The following PHF20L1 variants were observed in gnomAD, a reference collection of about 807,000 sequenced individuals.
The protein encoded by PHF20L1 is PHD finger protein 20 like 1.
In PHF20L1, 44 loss-of-function variants were observed where a neutral mutation model predicts 125.5. The observed-to-expected ratio is 0.35, with a 90% CI of 0.28 to 0.45. PHF20L1 has a LOEUF of 0.45. PHF20L1 is among the 20% of genes least tolerant of loss of function. The probability of loss-of-function intolerance (pLI) is 1.00; values close to 1 mark genes in which losing one functional copy is unlikely to be tolerated. For missense variants in PHF20L1, 1,012 were observed against 1,217.2 expected, an observed-to-expected ratio of 0.83 and a Z score of 2.51; for synonymous variants, 380 against 403.1, an observed-to-expected ratio of 0.94 and a Z score of 0.69.
At chr8:132,820,861 G>C (rs1174987769) in intron 12 of PHF20L1, among the ~76,000 whole-genome samples, 1 of 151,964 alleles carries the variant, frequency 6.6e-6, no homozygotes, top group Admixed American at 6.6e-5. Flanking sequence ...GACAAAATTG[G>C]CATTAGTAGG....
intron 6 of PHF20L1, among the ~76,000 whole-genome samples, chr8:132,802,821 C>T (rs1177820352): frequency 1.3e-5 from 2 of 151,696 alleles, no homozygotes; most frequent in Non-Finnish European, 1.5e-5. Context: ...TTAATGTAAA[C>T]CGTGAATTAA....
chr8:132,827,206 A>G (rs1259964969), intron 14 of PHF20L1, among the ~76,000 whole-genome samples: 1 of 151,742 alleles, frequency 6.6e-6, no homozygotes, highest in Non-Finnish European at 1.5e-5. Flanking sequence ...CAAGCTAGAA[A>G]TGATGTAGAG....
At chr8:132,830,633 A>G (rs1219908222) in intron 14 of PHF20L1, among the ~76,000 whole-genome samples, 2 of 152,106 alleles carry the variant, frequency 1.3e-5, no homozygotes, top group Non-Finnish European at 2.9e-5. Context: ...AGACATCATC[A>G]GGTGGGAACT....
At chr8:132,795,789 GTTTAA>G (rs1233641668) in intron 4 of PHF20L1, among the ~76,000 whole-genome samples, 1 of 151,938 alleles carries the variant, frequency 6.6e-6, no homozygotes, top group Admixed American at 6.6e-5. Context: ...GAATGATAAA[GTTTAA>G]TTTATAAATT....
chr8:132,790,872 A>G lies in PHF20L1; in HGVS notation c.84-3538A>G, dbSNP rs566522419. Among the ~76,000 whole-genome samples the G allele has an allele frequency of 5.0e-4, 76 of 152,304 alleles. 1 individual carries two copies. Among genetic ancestry groups the G allele is most frequent in the African/African-American group, 1.6e-3 (68 of 41,562 alleles). ...CCTTCAGTAAATTCCCAGATTTTCTATGGACTATTAAAGCATCTTATATAC... is the reference window on the plus strand; with the variant it reads ...CCTTCAGTAAATTCCCAGATTTTCTGTGGACTATTAAAGCATCTTATATAC... On this transcript the variant is annotated intron_variant, in intron 2 of 20. Transcript: ENST00000395386.
Position 132,799,210 on chromosome 8 carries a change from C to T in PHF20L1, c.507+38C>T, listed in dbSNP as rs1328467237. On this transcript the variant is annotated intron_variant, in intron 6 of 20. Coordinates refer to ENST00000395386, the MANE Select transcript of PHF20L1 (RefSeq NM_016018.5). ...TTTTTAAAAATTTTGTTTTGTTTTTCCTGGTATATAATGTCATTTAGAAAG... is the reference window on the plus strand; with the variant it reads ...TTTTTAAAAATTTTGTTTTGTTTTTTCTGGTATATAATGTCATTTAGAAAG... 3.9e-6 allele frequency: 5 copies of T among 1,288,764 alleles called. 1 individual carries two copies. Among genetic ancestry groups the T allele is most frequent in the South Asian group, 2.6e-5 (2 of 76,078 alleles). 79.8% of individuals were successfully genotyped at this position (1,288,764 alleles called of 1,614,324 possible). A position where few individuals can be genotyped will look rare whatever the true frequency, so the allele number is the denominator to read the frequency against.
intron 18 of PHF20L1, among the ~76,000 whole-genome samples, chr8:132,839,907 GTCC>G (rs1837757798): frequency 6.6e-6 from 1 of 151,984 alleles, no homozygotes; most frequent in Admixed American, 6.6e-5. Context: ...TATACGTTGT[GTCC>G]TCCTTCAGGA....
intron 2 of PHF20L1, among the ~76,000 whole-genome samples, chr8:132,783,090 A>G (rs996176316): frequency 1.3e-5 from 2 of 152,220 alleles, no homozygotes; most frequent in African/African-American, 2.4e-5. Flanking sequence ...CAAAAACACA[A>G]GAGATTAAAT....
chr8:132,795,270 T>C (rs1832253692), intron 4 of PHF20L1, among the ~76,000 whole-genome samples: 1 of 152,128 alleles, frequency 6.6e-6, no homozygotes, highest in Non-Finnish European at 1.5e-5. Context: ...ATTTCCCTTA[T>C]TGTGTCTCTC....
At chr8:132,817,190 A>G (rs1835080825) in intron 11 of PHF20L1, 114 bp downstream of exon 11, 6 of 901,378 alleles carry the variant, frequency 6.7e-6, no homozygotes, top group East Asian at 2.6e-5. Flanking sequence ...TTCTGGAGTT[A>G]TAAGCACTTC....
At chr8:132,807,420 G>T in intron 8 of PHF20L1, 1 of 162,032 alleles carries the variant, frequency 6.2e-6, no homozygotes, top group Non-Finnish European at 1.3e-5. Flanking sequence ...AAAAACATCA[G>T]CAGTTGGTGC....
chr8:132,783,821 C>T (rs776978961), intron 2 of PHF20L1, among the ~76,000 whole-genome samples: 88 of 152,088 alleles, frequency 5.8e-4, no homozygotes, highest in Non-Finnish European at 1.1e-3. Context: ...AAATGAATTA[C>T]ATACTATGGT....
At chr8:132,843,401 TATTTTTTACTG>T (rs1838125402) in intron 19 of PHF20L1, 3 of 980,730 alleles carry the variant, frequency 3.1e-6, no homozygotes, top group South Asian at 9.4e-5. Flanking sequence ...AATGTACCTT[TATTTTTTACTG>T]ATTTTCAATT....
At position 132,839,467 on chromosome 8, in the gene PHF20L1, G is replaced by C; in HGVS notation, c.2272G>C (p.Glu758Gln). 1 of 1,613,200 alleles carries C rather than the reference G, an allele frequency of 6.2e-7. No individual in the cohort carries two copies. Among genetic ancestry groups the C allele is most frequent in the Non-Finnish European group, 8.5e-7 (1 of 1,179,298 alleles). ...GRMCGLSFFK[E>Q]NYSHLNAKKI... ...AATGTGCGGGTTATCATTTTTCAAA[G>C]AAAATTATTCTCATCTCAATGCCAA... The change falls in exon 18 of 21, where the codon GAA (glutamate) becomes CAA (glutamine). Residue 758 changes from glutamate (E) to glutamine (Q), a missense_variant. Around this residue, in one of 7 missense-constraint regions of PHF20L1, gnomAD observed 55 missense variants for 114.8 expected, o/e 0.48. Transcript: ENST00000395386.
intron 4 of PHF20L1, among the ~76,000 whole-genome samples, chr8:132,795,305 A>G (rs2131464733): frequency 6.6e-6 from 1 of 152,246 alleles, no homozygotes; most frequent in South Asian, 2.1e-4. Flanking sequence ...ATTAATTTCT[A>G]CAGATAATTG....
intron 2 of PHF20L1, among the ~76,000 whole-genome samples, chr8:132,784,572 A>G (rs1239872957): frequency 1.3e-5 from 2 of 152,144 alleles, no homozygotes; most frequent in African/African-American, 4.8e-5. Flanking sequence ...AAGATAGACA[A>G]AAAGTCATAG....
rs755477395 is a variant in PHF20L1, at chr8:132,799,109, T to G, written c.444T>G (p.His148Gln). The G allele has an allele frequency of 6.2e-7, 1 of 1,610,064 alleles. No individual in the cohort carries two copies. Among genetic ancestry groups the G allele is most frequent in the Non-Finnish European group, 8.5e-7 (1 of 1,177,456 alleles). Residue 148 changes from histidine (H) to glutamine (Q), a missense_variant, in exon 6 of 21, where the codon CAT (histidine) becomes CAG (glutamine). Coordinates refer to ENST00000395386, the MANE Select transcript of PHF20L1 (RefSeq NM_016018.5). ...EDAKGQVKSQ[H>Q]PLSWCCPIDP... ...TTCTGTTCCAGGTGAAATCCCAGCA[T>G]CCACTAAGCTGGTGTTGTCCTATCG...
At chr8:132,832,144 G>A (rs1273958961) in intron 14 of PHF20L1, 91 bp from the exon 15 acceptor site, 4 of 794,762 alleles carry the variant, frequency 5.0e-6, no homozygotes, top group Non-Finnish European at 8.5e-6. Flanking sequence ...TGATTATTTG[G>A]TGTATCCTGA....
intron 8 of PHF20L1, chr8:132,807,315 T>G (rs536546135): frequency 2.4e-5 from 4 of 164,478 alleles, no homozygotes; most frequent in African/African-American, 9.6e-5. Context: ...ACAATTTTAC[T>G]TAGAAAACTA....
Sources: allele counts gnomAD v4.1 joint callset (sites outside exome capture counted in the v4.1 genomes callset), GRCh38; gene constraint gnomAD v4.1.1; regional missense constraint gnomAD v4.1.1; transcripts MANE v1.5; gene names NCBI Gene and HGNC (gene_info 2026-07-23, HGNC 2026-07-21).